Variants in TRPC5 observed in about 807,000 individuals in gnomAD.
The protein encoded by TRPC5 is short transient receptor potential channel 5.
In TRPC5, 9 loss-of-function variants were observed where a neutral mutation model predicts 56.5. That is an observed-to-expected ratio of 0.16 (90% CI 0.10 to 0.28). The LOEUF (loss-of-function observed/expected upper bound fraction) is 0.28. Ranked by LOEUF, TRPC5 falls within the 10% of genes least tolerant of loss-of-function variation. The pLI is 1.00. For synonymous variants in TRPC5, 282 were observed against 278.5 expected (o/e 1.01, Z -0.13); for missense variants, 469 against 748.9 (o/e 0.63, Z 4.36).
chrX:111,937,905 G>T (rs1926644391), intron 2 of TRPC5, among the ~76,000 whole-genome samples: 1 of 103,999 alleles, frequency 9.6e-6, no homozygotes, highest in Non-Finnish European at 2.0e-5. Flanking sequence ...AGCTTGATGG[G>T]GATGGCATTG....
intron 3 of TRPC5, among the ~76,000 whole-genome samples, chrX:111,890,641 C>A (rs185898723): frequency 1.3e-4 from 14 of 111,775 alleles, no homozygotes; most frequent in Admixed American, 4.7e-4. Context: ...GTTCCCAGAG[C>A]ATCATTAGTC....
intron 3 of TRPC5, among the ~76,000 whole-genome samples, chrX:111,867,762 C>T (rs1047973932): frequency 3.6e-5 from 4 of 111,955 alleles, no homozygotes; most frequent in African/African-American, 6.5e-5. Context: ...CATTTCTCTT[C>T]GGCCGCTAAA....
intron 1 of TRPC5, among the ~76,000 whole-genome samples, chrX:112,049,532 A>AAT (rs750428556): frequency 0.041 from 4,400 of 106,681 alleles, 99 homozygotes; most frequent in Non-Finnish European, 0.066. Context: ...TTATATATTT[A>AAT]ATATATATAT....
At chrX:111,798,023 G>T (rs990780781) in intron 7 of TRPC5, among the ~76,000 whole-genome samples, 8 of 111,254 alleles carry the variant, frequency 7.2e-5, no homozygotes, top group Non-Finnish European at 1.1e-4. Flanking sequence ...ATGAACCGCA[G>T]AGCCTAGAAA....
intron 10 of TRPC5, among the ~76,000 whole-genome samples, chrX:111,778,285 T>TA (rs1475019999): frequency 1.8e-5 from 2 of 111,083 alleles, no homozygotes; most frequent in African/African-American, 3.3e-5. Context: ...TCCCAGAACT[T>TA]AAAGTATAAT....
At chrX:111,782,900 A>G (rs1394833250) in intron 7 of TRPC5, among the ~76,000 whole-genome samples, 1 of 110,121 alleles carries the variant, frequency 9.1e-6, no homozygotes, top group African/African-American at 3.3e-5. Context: ...TGTTACTACA[A>G]TCAGGATACA....
intron 3 of TRPC5, among the ~76,000 whole-genome samples, chrX:111,888,722 A>AGGG (rs1339579597): frequency 1.0e-5 from 1 of 98,431 alleles, no homozygotes; most frequent in African/African-American, 4.3e-5. Flanking sequence ...AAAAAAAAGA[A>AGGG]AGAAAAGAAA....
intron 3 of TRPC5, among the ~76,000 whole-genome samples, chrX:111,876,438 G>A (rs758369072): frequency 7.3e-4 from 81 of 111,255 alleles, no homozygotes; most frequent in Admixed American, 2.5e-3. Flanking sequence ...TATTGGGCAC[G>A]CCGTACCCCT....
chrX:112,073,016 A>G (rs1438286378), intron 1 of TRPC5, among the ~76,000 whole-genome samples: 2 of 111,568 alleles, frequency 1.8e-5, no homozygotes, highest in African/African-American at 6.5e-5. Context: ...ATTGAATGTC[A>G]TTATTATATA....
intron 2 of TRPC5, among the ~76,000 whole-genome samples, chrX:111,948,810 C>A (rs56747248): frequency 0.014 from 1,557 of 110,960 alleles, 28 homozygotes; most frequent in African/African-American, 0.049. Flanking sequence ...GACCTTTGTC[C>A]ACCTCCCTGT....
chrX:112,003,565 AG>A lies in TRPC5; in HGVS notation c.-21-51125del, dbSNP rs200463448. ...GCTTTGGGGTGAGACAGTTTTCCAT[AG>A]GGGTGGGGAGTGCTGGTTTGCATAT... On this transcript the variant is annotated intron_variant, in intron 1 of 10. Transcript: ENST00000262839. 9.7e-3 allele frequency among the ~76,000 whole-genome samples: 1,071 copies of A among 110,149 alleles called. 14 individuals are homozygous for A. The highest frequency in any genetic ancestry group is 0.034 in the African/African-American group (1,027 of 30,227).
intron 3 of TRPC5, among the ~76,000 whole-genome samples, chrX:111,909,674 T>C (rs1328900042): frequency 9.0e-6 from 1 of 111,469 alleles, no homozygotes; most frequent in Admixed American, 9.6e-5. Flanking sequence ...TAAAACCCTG[T>C]GGCACATTCA....
chrX:112,015,158 G>A (rs1196456927), intron 1 of TRPC5, among the ~76,000 whole-genome samples: 2 of 110,187 alleles, frequency 1.8e-5, no homozygotes, highest in African/African-American at 3.3e-5. Flanking sequence ...TCCTGCCTCA[G>A]CCTCCTGAAT....
At chrX:112,067,668 T>G (rs970336349) in intron 1 of TRPC5, among the ~76,000 whole-genome samples, 17 of 111,813 alleles carry the variant, frequency 1.5e-4, no homozygotes, top group African/African-American at 5.5e-4. Context: ...TGCTCTCAGA[T>G]CAGAGCCCTT....
At chrX:111,907,069 T>C (rs899585477) in intron 3 of TRPC5, among the ~76,000 whole-genome samples, 4 of 108,265 alleles carry the variant, frequency 3.7e-5, no homozygotes, top group Non-Finnish European at 5.7e-5. Flanking sequence ...AAATAATTCT[T>C]GTCCATTCCC....
chrX:112,004,159 C>T (rs1054937487), intron 1 of TRPC5, among the ~76,000 whole-genome samples: 2 of 111,938 alleles, frequency 1.8e-5, no homozygotes, highest in African/African-American at 6.5e-5. Context: ...ACAAGTCCAC[C>T]AGACCTGTTT....
intron 1 of TRPC5, among the ~76,000 whole-genome samples, chrX:111,984,842 T>G (rs781715158): frequency 2.7e-5 from 3 of 112,763 alleles, no homozygotes; most frequent in Admixed American, 9.4e-5. Flanking sequence ...GTGGGCCTTA[T>G]GTACAGGGAT....
At chrX:112,057,233 T>C (rs1411898455) in intron 1 of TRPC5, among the ~76,000 whole-genome samples, 3 of 111,760 alleles carry the variant, frequency 2.7e-5, no homozygotes, top group Non-Finnish European at 5.6e-5. Flanking sequence ...TGTGGGCAGA[T>C]AGGCAAATCA....
At chrX:112,061,075 G>A (rs151297580) in intron 1 of TRPC5, among the ~76,000 whole-genome samples, 9,506 of 111,877 alleles carry the variant, frequency 0.085, 377 homozygotes, top group African/African-American at 0.15. Context: ...TGGGTTGACT[G>A]TGTCCTGATT....
Sources: allele counts gnomAD v4.1 joint callset (sites outside exome capture counted in the v4.1 genomes callset), GRCh38; gene constraint gnomAD v4.1.1; transcripts MANE v1.5; gene names NCBI Gene and HGNC (gene_info 2026-07-23, HGNC 2026-07-21).